Variants in GAB1 observed in about 807,000 individuals in gnomAD.
GAB1 encodes GRB2 associated binding protein 1.
In GAB1, 19 loss-of-function variants were observed where a neutral mutation model predicts 66.5. The observed-to-expected ratio is 0.29, with a 90% CI of 0.20 to 0.42. The LOEUF (loss-of-function observed/expected upper bound fraction) is 0.42. GAB1 is among the 10% of genes least tolerant of loss of function. The pLI is 1.00. For synonymous variants in GAB1, 294 were observed against 301.4 expected (o/e 0.98, Z 0.25); for missense variants, 732 against 858.5 (o/e 0.85, Z 1.84).
At chr4:143,340,337 T>G (rs747965036) in intron 1 of GAB1, among the ~76,000 whole-genome samples, 14 of 152,152 alleles carry the variant, frequency 9.2e-5, no homozygotes, top group Non-Finnish European at 2.1e-4. Flanking sequence ...CTTGATACTA[T>G]AATTATTAAA....
chr4:143,392,438 T>C (rs2149688115), intron 1 of GAB1, among the ~76,000 whole-genome samples: 1 of 152,264 alleles, frequency 6.6e-6, no homozygotes, highest in East Asian at 1.9e-4. Flanking sequence ...ATTGCTGCAT[T>C]GTTGAAATAG....
At position 143,438,001 on chromosome 4, in the gene GAB1, C is replaced by A; in HGVS notation, c.596C>A (p.Thr199Lys). Residue 199 changes from threonine to lysine, a missense_variant and splice_region_variant, in exon 4 of 10, where the codon ACG becomes AAG. Physicochemically the swap from Thr to Lys is moderately conservative, Grantham distance 78. This residue lies in a region of GAB1 where 427 missense variants were observed against 420.6 expected (regional missense o/e 1.02). Transcript: ENST00000262994. Reference protein sequence around the residue: ...CQSKKPEPTRTHADSAKSTSS... With the variant: ...CQSKKPEPTRKHADSAKSTSS... ...TGTCATTAACAATTTTTATTTAGAA[C>A]GCATGCTGATTCTGCAAAATCCACC... is the stretch of plus-strand genomic sequence containing the variant. The A allele has an allele frequency of 6.2e-7, 1 of 1,609,076 alleles. No individual in the cohort carries two copies. The highest frequency in any genetic ancestry group is 8.5e-7 in the Non-Finnish European group (1 of 1,177,050).
chr4:143,433,876 C>G (rs1733805675), intron 3 of GAB1, among the ~76,000 whole-genome samples, 160 bp downstream of exon 3: 1 of 152,176 alleles, frequency 6.6e-6, no homozygotes, highest in African/African-American at 2.4e-5. Context: ...GGTTTACATT[C>G]CCCTATTGAT....
chr4:143,425,675 A>T (rs1733313858), intron 2 of GAB1: 2 of 760,186 alleles, frequency 2.6e-6, no homozygotes, highest in Non-Finnish European at 2.4e-6. Flanking sequence ...AAGTGATTAA[A>T]AAAGAAGAGC....
At chr4:143,404,719 C>T (rs1731951908) in intron 1 of GAB1, among the ~76,000 whole-genome samples, 2 of 152,188 alleles carry the variant, frequency 1.3e-5, no homozygotes, top group Admixed American at 6.5e-5. Flanking sequence ...CCATTGCACA[C>T]AGCCTGAGCA....
At chr4:143,368,621 A>G (rs80146199) in intron 1 of GAB1, among the ~76,000 whole-genome samples, 1 of 152,050 alleles carries the variant, frequency 6.6e-6, no homozygotes, top group African/African-American at 2.4e-5. Context: ...TATTTTATAG[A>G]GTTCTTCAGA....
At chr4:143,419,152 A>T (rs942443023) in intron 2 of GAB1, among the ~76,000 whole-genome samples, 2 of 152,158 alleles carry the variant, frequency 1.3e-5, no homozygotes, top group African/African-American at 4.8e-5. Flanking sequence ...AAAATAATTC[A>T]TTGTAATAAT....
At position 143,438,528 on chromosome 4, in the gene GAB1, A is replaced by T. The variant is rs1358039038; in HGVS notation, c.1123A>T (p.Ile375Phe). The change falls in exon 4 of 10, where the codon ATC (isoleucine) becomes TTC (phenylalanine). Residue 375 changes from isoleucine (I) to phenylalanine (F), a missense_variant. Physicochemically the swap from Ile to Phe is conservative, Grantham distance 21. This residue lies in a region of GAB1 where 427 missense variants were observed against 420.6 expected (regional missense o/e 1.02). Transcript: ENST00000262994. ...CTCAGACACTGACAGTAGTTACTGT[A>T]TCCCTACAGCAGGGATGTCGCCTTC... ...TASDTDSSYC[I>F]PTAGMSPSRS... is the part of the protein sequence containing the mutation. 6.2e-7 allele frequency: 1 copy of T among 1,614,034 alleles called. No individual in the cohort carries two copies. Among genetic ancestry groups the T allele is most frequent in the Admixed American group, 1.7e-5 (1 of 59,992 alleles).
At chr4:143,354,058 G>A (rs1413824745) in intron 1 of GAB1, among the ~76,000 whole-genome samples, 1 of 152,122 alleles carries the variant, frequency 6.6e-6, no homozygotes, top group African/African-American at 2.4e-5. Flanking sequence ...TGAATAGAAG[G>A]GTTGTTGCTG....
chr4:143,406,653 A>G (rs151309543), intron 1 of GAB1, among the ~76,000 whole-genome samples: 191 of 152,332 alleles, frequency 1.3e-3, no homozygotes, highest in African/African-American at 4.5e-3. Flanking sequence ...TGGTGGTAAG[A>G]AAAGGGTGAG....
chr4:143,457,208 A>G (rs982939935), intron 6 of GAB1, among the ~76,000 whole-genome samples: 2 of 152,232 alleles, frequency 1.3e-5, no homozygotes, highest in African/African-American at 4.8e-5. Flanking sequence ...AAATTAGAAA[A>G]GTAATATTAC....
At chr4:143,371,900 G>T (rs6537155) in intron 1 of GAB1, among the ~76,000 whole-genome samples, 2 of 151,914 alleles carry the variant, frequency 1.3e-5, no homozygotes, top group Non-Finnish European at 2.9e-5. Flanking sequence ...TACAGAACTC[G>T]TTTTTATGAA....
At chr4:143,385,947 C>G (rs138597764) in intron 1 of GAB1, among the ~76,000 whole-genome samples, 1 of 151,974 alleles carries the variant, frequency 6.6e-6, no homozygotes, top group African/African-American at 2.4e-5. Context: ...CAAGACAAGC[C>G]GGAGCAACAT....
chr4:143,444,833 C>T (rs575879308), intron 6 of GAB1, among the ~76,000 whole-genome samples: 5 of 152,242 alleles, frequency 3.3e-5, no homozygotes, highest in African/African-American at 1.2e-4. Context: ...TTAGCTCTCA[C>T]TTGTAAGTGA....
chr4:143,357,584 G>T (rs1455496272), intron 1 of GAB1, among the ~76,000 whole-genome samples: 3 of 152,110 alleles, frequency 2.0e-5, no homozygotes, highest in Non-Finnish European at 4.4e-5. Context: ...TGTTGTGAAG[G>T]GTGGGTAGGG....
intron 1 of GAB1, among the ~76,000 whole-genome samples, chr4:143,399,593 A>G (rs986332710): frequency 9.9e-5 from 15 of 152,206 alleles, no homozygotes; most frequent in African/African-American, 3.1e-4. Context: ...AAAGAAACCC[A>G]TATCAATACA....
chr4:143,459,884 A>G (rs1244789997), intron 7 of GAB1, among the ~76,000 whole-genome samples: 1 of 152,214 alleles, frequency 6.6e-6, no homozygotes, highest in Non-Finnish European at 1.5e-5. Context: ...TATGAAACCA[A>G]AAAGTACTGA....
chr4:143,354,939 T>G (rs17017653), intron 1 of GAB1, among the ~76,000 whole-genome samples: 4,809 of 152,302 alleles, frequency 0.032, 251 homozygotes, highest in African/African-American at 0.11. Flanking sequence ...TAAGTGAAAT[T>G]GAAACATAGA....
At chr4:143,459,761 AC>A (rs1195137200) in intron 7 of GAB1, among the ~76,000 whole-genome samples, 1 of 152,186 alleles carries the variant, frequency 6.6e-6, no homozygotes, top group Non-Finnish European at 1.5e-5. Context: ...TGTATTACTT[AC>A]GTTTTAAAAA....
Sources: allele counts gnomAD v4.1 joint callset (sites outside exome capture counted in the v4.1 genomes callset), GRCh38; gene constraint gnomAD v4.1.1; regional missense constraint gnomAD v4.1.1; transcripts MANE v1.5; gene names NCBI Gene and HGNC (gene_info 2026-07-23, HGNC 2026-07-21).